POLR3E: variants seen among roughly 807,000 people sequenced by gnomAD.
The protein encoded by POLR3E is DNA-directed RNA polymerase III subunit RPC5.
Under a neutral mutation model 96.6 loss-of-function variants are expected in POLR3E, and 41 were observed. The ratio of observed to expected loss-of-function variants is 0.42; its 90% confidence interval spans 0.33 to 0.55. The LOEUF (loss-of-function observed/expected upper bound fraction) is 0.55, where lower values mean the gene tolerates loss of function less well. Ranked by LOEUF, POLR3E falls within the 20% of genes least tolerant of loss-of-function variation. The pLI is 0.06. For missense variants in POLR3E, 849 were observed against 952.1 expected (o/e 0.89, Z 1.43); for synonymous variants, 396 against 383.6 (o/e 1.03, Z -0.38).
chr16:22,319,002 T>TC, intron 13 of POLR3E, 56 bp downstream of exon 13: 2 of 1,321,608 alleles, frequency 1.5e-6, no homozygotes, highest in Non-Finnish European at 2.1e-6. Flanking sequence ...GAGGCAGAGC[T>TC]TCACTCTTGT....
Position 22,315,198 on chromosome 16 carries a change from A to G in POLR3E, c.632A>G (p.Tyr211Cys), listed in dbSNP as rs1176210178. Residue 211 changes from tyrosine to cysteine, a missense_variant, in exon 9 of 21, where the codon TAT becomes TGT. Coordinates refer to ENST00000299853, the MANE Select transcript of POLR3E (RefSeq NM_018119.4). The part of the protein sequence containing the change: ...AEEPWVHLHY[Y>C]GLRDSRSEHE... ...GAGCCCTGGGTCCACCTGCATTACT[A>G]TGGCCTGAGGGTGAGCGGGGCTTCG... is the stretch of plus-strand genomic sequence containing the variant. 2 of 1,593,696 alleles carry G rather than the reference A, an allele frequency of 1.3e-6. No homozygotes were observed. The highest frequency in any genetic ancestry group is 1.3e-5 in the African/African-American group (1 of 74,618).
In POLR3E at chr16:22,302,973, C is replaced by A. The variant is rs1482582189; in HGVS notation, c.5C>A (p.Ala2Asp). M[A>D]NEEDDPVVQE... ...CGCGGCTGGCTCTCCTCTAGTATGG[C>A]CAATGAAGAGGATGACCCAGTTGTA... The change falls in exon 2 of 21, where the codon GCC becomes GAC. Residue 2 changes from alanine (A) to aspartate (D), a missense_variant. By Grantham distance (126) the Ala-to-Asp change is moderately radical. Coordinates refer to ENST00000299853, the MANE Select transcript of POLR3E (RefSeq NM_018119.4). 2 of 1,613,934 alleles carry A rather than the reference C, an allele frequency of 1.2e-6. No homozygotes were observed. Among genetic ancestry groups the A allele is most frequent in the East Asian group, 4.5e-5 (2 of 44,884 alleles).
At chr16:22,332,320 G>C (rs1006935477) in intron 20 of POLR3E, 135 bp downstream of exon 20, 11 of 747,266 alleles carry the variant, frequency 1.5e-5, no homozygotes, top group East Asian at 8.1e-5. Flanking sequence ...GTCTTGTCTT[G>C]AGCAACTGTT....
chr16:22,311,306 G>A (rs1337143190), intron 6 of POLR3E, among the ~76,000 whole-genome samples: 1 of 134,360 alleles, frequency 7.4e-6, no homozygotes, highest in Admixed American at 8.2e-5. Context: ...ATTTAGTGTA[G>A]CCTAAGTGTG....
At chr16:22,332,967 C>CTTTTTTT (rs1166614906) in intron 20 of POLR3E, among the ~76,000 whole-genome samples, 81 of 73,046 alleles carry the variant, frequency 1.1e-3, no homozygotes, top group African/African-American at 1.7e-3. Flanking sequence ...CGTAGACCCC[C>CTTTTTTT]TTTTTTTTTT....
At chr16:22,304,729 A>G (rs891546122) in intron 2 of POLR3E, among the ~76,000 whole-genome samples, 2 of 152,068 alleles carry the variant, frequency 1.3e-5, no homozygotes, top group Admixed American at 1.3e-4. Context: ...GGCCTTGCAG[A>G]CCCCTTAAGA....
At chr16:22,307,093 A>G (rs1467079424) in intron 3 of POLR3E, among the ~76,000 whole-genome samples, 1 of 152,204 alleles carries the variant, frequency 6.6e-6, no homozygotes, top group African/African-American at 2.4e-5. Context: ...CTGAGCCACC[A>G]TCGGCTCTGT....
At chr16:22,314,280 A>AG in intron 8 of POLR3E, 152 bp downstream of exon 8, 4 of 659,790 alleles carry the variant, frequency 6.1e-6, no homozygotes, top group Non-Finnish European at 8.2e-6. Context: ...GAACAACCTG[A>AG]GTTGTTCCAG....
At chr16:22,299,319 G>A (rs539612299) in intron 1 of POLR3E, among the ~76,000 whole-genome samples, 84 of 152,214 alleles carry the variant, frequency 5.5e-4, no homozygotes, top group African/African-American at 2.0e-3. Context: ...GATTATGTAG[G>A]GCCTTAGGTG....
rs768893222 is a variant in POLR3E, at chr16:22,334,831, A to G, written c.*1131A>G. ...ATAAGAGTAAGCTAGGTTGGATGAC[A>G]TGTGAATTTTGGTATCTAGATAAGG... On this transcript the variant is annotated 3_prime_UTR_variant, in exon 21 of 21. Coordinates refer to ENST00000299853, the MANE Select transcript of POLR3E (RefSeq NM_018119.4). 22 of 152,206 alleles carry G rather than the reference A, an allele frequency of 1.4e-4. No individual in the cohort carries two copies. The highest frequency in any genetic ancestry group is 2.9e-4 in the Non-Finnish European group (20 of 68,028). The allele number at this position is 152,206 out of a possible 1,614,324, so 9.4% of individuals were successfully genotyped here.
chr16:22,328,426 TG>T, intron 18 of POLR3E, 83 bp from the exon 19 acceptor site: 1 of 1,135,582 alleles, frequency 8.8e-7, no homozygotes, highest in Non-Finnish European at 1.3e-6. Flanking sequence ...GCATCTGGGC[TG>T]GGGCAGACAG....
At chr16:22,311,546 G>A (rs1460199928) in intron 6 of POLR3E, among the ~76,000 whole-genome samples, 1 of 151,670 alleles carries the variant, frequency 6.6e-6, no homozygotes, top group Non-Finnish European at 1.5e-5. Flanking sequence ...CCAGGCTGGA[G>A]TACAGTGGTG....
chr16:22,307,468 G>C (rs1272000634), intron 3 of POLR3E, among the ~76,000 whole-genome samples: 2 of 152,200 alleles, frequency 1.3e-5, no homozygotes, highest in African/African-American at 4.8e-5. Flanking sequence ...TTTTGAGGAG[G>C]GGTCCAGACT....
At chr16:22,326,749 A>C in intron 18 of POLR3E, 1 of 209,882 alleles carries the variant, frequency 4.8e-6, no homozygotes, top group Non-Finnish European at 9.8e-6. Flanking sequence ...TGGAATTTGG[A>C]CCTCAGTATA....
chr16:22,333,180 C>T (rs556716716), intron 20 of POLR3E, among the ~76,000 whole-genome samples: 27 of 148,380 alleles, frequency 1.8e-4, no homozygotes, highest in African/African-American at 4.4e-4. Flanking sequence ...TGGCCAGGCG[C>T]GGTGGCTCAC....
intron 6 of POLR3E, among the ~76,000 whole-genome samples, chr16:22,311,715 C>T (rs2048250890): frequency 1.3e-5 from 2 of 151,954 alleles, no homozygotes; most frequent in South Asian, 2.1e-4. Flanking sequence ...AGGCTGGTCT[C>T]GAACTCCTGG....
Position 22,309,505 on chromosome 16 carries a change from G to A in POLR3E, c.359G>A (p.Arg120Lys), listed in dbSNP as rs141905390. 1.0e-4 allele frequency: 165 copies of A among 1,612,882 alleles called. No individual in the cohort carries two copies. Among genetic ancestry groups the A allele is most frequent in the Non-Finnish European group, 8.9e-5 (105 of 1,179,040 alleles). Residue 120 changes from arginine (R) to lysine (K), a missense_variant, in exon 6 of 21, where the codon AGG becomes AAG. Transcript: ENST00000299853. The stretch of plus-strand genomic sequence containing the variant: ...TCCCGTTATGCCGCTGCACTCTACA[G>A]GCAAGGTACCCGGGGCTGGGTGTCC... Reference protein sequence around the residue: ...NTSRYAAALYRQGELHLTPLH... With the variant: ...NTSRYAAALYKQGELHLTPLH...
At chr16:22,317,593 C>T (rs2048383395) in intron 12 of POLR3E, among the ~76,000 whole-genome samples, 1 of 151,646 alleles carries the variant, frequency 6.6e-6, no homozygotes, top group South Asian at 2.1e-4. Flanking sequence ...AGAGAGGAGG[C>T]TTCTAAAGTA....
intron 18 of POLR3E, 44 bp from the exon 19 acceptor site, chr16:22,328,466 T>C (rs780397996): frequency 2.0e-6 from 3 of 1,516,388 alleles, no homozygotes; most frequent in South Asian, 2.2e-5. Context: ...AATGGATCCA[T>C]GGGGTAGAGA....
Sources: allele counts gnomAD v4.1 joint callset (sites outside exome capture counted in the v4.1 genomes callset), GRCh38; gene constraint gnomAD v4.1.1; transcripts MANE v1.5; gene names NCBI Gene and HGNC (gene_info 2026-07-23, HGNC 2026-07-21).